The following TBXAS1 variants were observed in gnomAD, a reference collection of about 807,000 sequenced individuals.
The protein encoded by TBXAS1 is thromboxane-A synthase.
A neutral mutation model predicts 60.7 loss-of-function variants in TBXAS1; 48 were observed. The ratio of observed to expected loss-of-function variants is 0.79; its 90% CI spans 0.63 to 1.01. TBXAS1 has a LOEUF of 1.01. Ranked by LOEUF, TBXAS1 falls within the 50% of genes least tolerant of loss-of-function variation. TBXAS1 has a pLI of 0.00. For missense variants in TBXAS1, 685 were observed against 686.3 expected, an observed-to-expected ratio of 1.00 and a Z score of 0.02; for synonymous variants, 287 against 269.7, an observed-to-expected ratio of 1.06 and a Z score of -0.63.
At chr7:139,938,065 G>C (rs754471209) in intron 5 of TBXAS1, among the ~76,000 whole-genome samples, 3 of 152,172 alleles carry the variant, frequency 2.0e-5, no homozygotes, top group Non-Finnish European at 4.4e-5. Flanking sequence ...GAAAAATAGA[G>C]TCCCCATCTG....
intron 3 of TBXAS1, among the ~76,000 whole-genome samples, chr7:139,891,047 A>G (rs1378166245): frequency 6.6e-6 from 1 of 151,798 alleles, no homozygotes; most frequent in African/African-American, 2.4e-5. Flanking sequence ...CAGAGTTCCC[A>G]TTGAGTCTGC....
At chr7:139,865,585 AAGGAGGAGGAGGAGGAGGAAG>A (rs1801287632) in intron 1 of TBXAS1, among the ~76,000 whole-genome samples, 6 of 51,168 alleles carry the variant, frequency 1.2e-4, no homozygotes, top group African/African-American at 4.1e-4. Flanking sequence ...GAGGAAGAAG[AAGGAGGAGGAGGAGGAGGAAG>A]AGGAGGAGGA....
At chr7:140,014,915 A>AAAG (rs1394377757) in intron 10 of TBXAS1, among the ~76,000 whole-genome samples, 2 of 151,492 alleles carry the variant, frequency 1.3e-5, no homozygotes, top group Admixed American at 6.6e-5. Flanking sequence ...TCTCAAAAAA[A>AAAG]AAGAAGAAGA....
At chr7:139,930,799 GGT>G (rs1274664438) in intron 4 of TBXAS1, among the ~76,000 whole-genome samples, 1 of 152,138 alleles carries the variant, frequency 6.6e-6, no homozygotes, top group African/African-American at 2.4e-5. Flanking sequence ...AGTACGGATG[GGT>G]GTGACAAGGC....
intron 3 of TBXAS1, among the ~76,000 whole-genome samples, chr7:139,783,777 C>G (rs914121147): frequency 3.2e-4 from 49 of 152,322 alleles, no homozygotes; most frequent in African/African-American, 1.2e-3. Flanking sequence ...TTGCTCCTAT[C>G]TGGCAACCCC....
intron 1 of TBXAS1, among the ~76,000 whole-genome samples, chr7:139,849,334 G>A (rs1481435277): frequency 1.4e-4 from 22 of 151,732 alleles, no homozygotes; most frequent in Non-Finnish European, 1.0e-4. Context: ...AGCCAAGATC[G>A]CACCACTGCA....
At chr7:139,884,867 T>A (rs1038885791) in intron 3 of TBXAS1, among the ~76,000 whole-genome samples, 3 of 152,134 alleles carry the variant, frequency 2.0e-5, no homozygotes, top group African/African-American at 7.2e-5. Context: ...GGAATTGACA[T>A]TCAGTTCTAA....
chr7:139,834,615 C>T (rs1018298744), intron 1 of TBXAS1, among the ~76,000 whole-genome samples: 74 of 152,256 alleles, frequency 4.9e-4, no homozygotes, highest in African/African-American at 1.7e-3. Context: ...CAAATAACGT[C>T]ACTGAGAAAT....
chr7:139,868,663 T>A (rs890390129), intron 1 of TBXAS1, among the ~76,000 whole-genome samples: 6 of 149,526 alleles, frequency 4.0e-5, no homozygotes, highest in African/African-American at 1.5e-4. Flanking sequence ...TTTTTTTTTT[T>A]TTTTTTTTTT....
At chr7:139,800,380 A>G (rs1207055505) in intron 4 of TBXAS1, among the ~76,000 whole-genome samples, 4 of 152,056 alleles carry the variant, frequency 2.6e-5, no homozygotes, top group Non-Finnish European at 5.9e-5. Context: ...ACCTCTGGCC[A>G]GGCTCTCTAC....
chr7:139,791,419 GC>G (rs1797377929), intron 4 of TBXAS1, among the ~76,000 whole-genome samples: 2 of 152,164 alleles, frequency 1.3e-5, no homozygotes, highest in Admixed American at 1.3e-4. Flanking sequence ...TACGGGCCAG[GC>G]CTAGGTGTGG....
At chr7:139,833,176 C>T (rs896559491) in intron 1 of TBXAS1, among the ~76,000 whole-genome samples, 6 of 152,286 alleles carry the variant, frequency 3.9e-5, no homozygotes, top group African/African-American at 1.2e-4. Context: ...GGCCTAAATG[C>T]TCCACTTAAA....
chr7:139,872,103 T>C, intron 1 of TBXAS1, 132 bp from the exon 2 acceptor site: 1 of 897,724 alleles, frequency 1.1e-6, no homozygotes, highest in Non-Finnish European at 1.8e-6. Flanking sequence ...TTTTTGGTTC[T>C]TAGATGTGGT....
chr7:139,861,609 G>A (rs1800972127), intron 1 of TBXAS1, among the ~76,000 whole-genome samples: 2 of 152,086 alleles, frequency 1.3e-5, no homozygotes, highest in South Asian at 4.1e-4. Context: ...CAAAATGGAT[G>A]TAAGTTTTGC....
At chr7:139,843,472 A>G (rs953724238) in intron 1 of TBXAS1, among the ~76,000 whole-genome samples, 6 of 152,102 alleles carry the variant, frequency 3.9e-5, no homozygotes, top group Non-Finnish European at 8.8e-5. Flanking sequence ...CCTCCTGAGT[A>G]GCTGGGGCTA....
At chr7:139,974,974 T>G (rs956456248) in intron 9 of TBXAS1, among the ~76,000 whole-genome samples, 3 of 152,180 alleles carry the variant, frequency 2.0e-5, no homozygotes, top group Non-Finnish European at 2.9e-5. Flanking sequence ...CAGAAAGACA[T>G]TCATTTTCAG....
rs1815006804 is a variant in TBXAS1, at chr7:140,015,909, G to A, written c.1364+49G>A. 4 of 1,611,334 alleles carry A rather than the reference G, an allele frequency of 2.5e-6. No homozygotes were observed. The African/African-American group carries it at 4.0e-5, about 16-fold the overall frequency. On this transcript the variant is annotated intron_variant, in intron 11 of 12. Transcript: ENST00000448866. ...GCTCTGAAGGGATGTGAGTGTGTGG[G>A]ATAGAAATTTACCAGTGGAGGCAGC...
chr7:139,991,442 C>T (rs1031543474), intron 9 of TBXAS1, among the ~76,000 whole-genome samples: 11 of 151,962 alleles, frequency 7.2e-5, no homozygotes, highest in Non-Finnish European at 1.3e-4. Flanking sequence ...CACCCCAGAA[C>T]AATGCTCTGT....
rs573079975 is a variant in TBXAS1, at chr7:139,793,779, T to G, written c.-80+6353T>G. On this transcript the variant is annotated intron_variant, in intron 4 of 16. Transcript: ENST00000336425. Reference sequence around the variant, plus strand: ...AAGTGCTTTACAGTTTGCAGAGCATTTTCGCATTCATGATTCAGAGTGAAA... The same window carrying G: ...AAGTGCTTTACAGTTTGCAGAGCATGTTCGCATTCATGATTCAGAGTGAAA... Among the ~76,000 whole-genome samples, 31 of 152,348 alleles carry G rather than the reference T, an allele frequency of 2.0e-4. 1 individual carries two copies. In the South Asian group the frequency reaches 6.4e-3, roughly 32 times the overall value.
Sources: allele counts gnomAD v4.1 joint callset (sites outside exome capture counted in the v4.1 genomes callset), GRCh38; gene constraint gnomAD v4.1.1; transcripts MANE v1.5; gene names NCBI Gene and HGNC (gene_info 2026-07-23, HGNC 2026-07-21).